Variants in KY observed in about 807,000 individuals in gnomAD.
The protein encoded by KY is kyphoscoliosis peptidase.
A neutral mutation model predicts 76.1 loss-of-function variants in KY; 43 were observed. That is an observed-to-expected ratio of 0.57 (90% CI 0.44 to 0.73). The LOEUF (loss-of-function observed/expected upper bound fraction) is 0.73, where lower values mean the gene tolerates loss of function less well. Among genes scored for constraint, KY ranks in the 30% least tolerant of loss-of-function variants. KY has a pLI of 0.00. For missense variants in KY, 722 were observed against 828.9 expected (o/e 0.87, Z 1.58); for synonymous variants, 277 against 326.2 (o/e 0.85, Z 1.63).
rs1346289837 is a variant in KY, at chr3:134,616,294, C to T, written c.710+2854G>A. On this transcript the variant is annotated intron_variant, in intron 8 of 10. Coordinates refer to ENST00000423778, the MANE Select transcript of KY (RefSeq NM_178554.6). ...TGATGTTGTGAAAATATCTGAATTC[C>T]TCCCCAAATTACTTTATTAAATCAG... Among the ~76,000 whole-genome samples, 4 of 152,166 alleles carry T rather than the reference C, an allele frequency of 2.6e-5. No individual in the cohort carries two copies. The East Asian group carries it at 7.7e-4, about 29-fold the overall frequency.
At chr3:134,605,218 C>T (rs1959170148) in intron 10 of KY, among the ~76,000 whole-genome samples, 1 of 152,152 alleles carries the variant, frequency 6.6e-6, no homozygotes, top group Non-Finnish European at 1.5e-5. Flanking sequence ...CTTTGTAGCC[C>T]ATGAGGACCC....
Position 134,604,302 on chromosome 3 carries a change from G to T in KY, c.1263C>A (p.Asn421Lys). The change falls in exon 11 of 11, where the codon AAC (asparagine) becomes AAA (lysine). Residue 421 changes from asparagine (N) to lysine (K), a missense_variant. Coordinates refer to ENST00000423778, the MANE Select transcript of KY (RefSeq NM_178554.6). ...CCAGCACTGAGCTGTAGATGTCGGAGTTGCCCTTGGCAAAGATCTGCAGCT... is the reference window on the plus strand; with the variant it reads ...CCAGCACTGAGCTGTAGATGTCGGATTTGCCCTTGGCAAAGATCTGCAGCT... ...THKLQIFAKG[N>K]SDIYSSVLEY... The T allele has an allele frequency of 6.2e-7, 1 of 1,614,014 alleles. No individual in the cohort carries two copies. Among genetic ancestry groups the T allele is most frequent in the Non-Finnish European group, 8.5e-7 (1 of 1,179,894 alleles).
intron 3 of KY, among the ~76,000 whole-genome samples, chr3:134,642,404 C>CA (rs1267999704): frequency 1.3e-5 from 2 of 152,236 alleles, no homozygotes; most frequent in Admixed American, 1.3e-4. Flanking sequence ...AATACTCAGA[C>CA]ACCAGGGCCC....
At chr3:134,634,764 C>A (rs1374885431) in intron 3 of KY, among the ~76,000 whole-genome samples, 3 of 152,178 alleles carry the variant, frequency 2.0e-5, no homozygotes, top group Non-Finnish European at 1.5e-5. Context: ...AGAGGGCCAA[C>A]TTTTCCTACA....
chr3:134,640,421 C>G (rs1965603393), intron 3 of KY, among the ~76,000 whole-genome samples: 1 of 152,122 alleles, frequency 6.6e-6, no homozygotes, highest in African/African-American at 2.4e-5. Context: ...AGGATGATAA[C>G]CTTCCACAAA....
intron 3 of KY, among the ~76,000 whole-genome samples, chr3:134,636,558 C>A (rs1204900056): frequency 2.0e-5 from 3 of 152,326 alleles, no homozygotes; most frequent in African/African-American, 4.8e-5. Context: ...TCAGGTGAGG[C>A]TATCCCAGAC....
At chr3:134,604,501 G>A in intron 10 of KY, 27 bp from the exon 11 acceptor site, 2 of 1,581,940 alleles carry the variant, frequency 1.3e-6, no homozygotes, top group Middle Eastern at 2.2e-4. Context: ...AGGGTCAGCA[G>A]AGATGGGTCC....
chr3:134,619,309 G>T, intron 7 of KY, 44 bp from the exon 8 acceptor site: 1 of 1,480,958 alleles, frequency 6.8e-7, no homozygotes, highest in South Asian at 1.1e-5. Flanking sequence ...GAGCCTGGGA[G>T]GCGAGAAGAC....
chr3:134,623,798 C>T (rs767042654), intron 6 of KY, among the ~76,000 whole-genome samples: 4 of 152,156 alleles, frequency 2.6e-5, no homozygotes, highest in East Asian at 3.9e-4. Context: ...GCACAGCTCA[C>T]GCTGTTGACC....
chr3:134,649,280 C>T (rs928038182), intron 1 of KY, among the ~76,000 whole-genome samples: 29 of 152,244 alleles, frequency 1.9e-4, no homozygotes, highest in Admixed American at 7.8e-4. Flanking sequence ...GGAGCCATGG[C>T]GAGTTTGTGC....
intron 5 of KY, among the ~76,000 whole-genome samples, chr3:134,626,572 G>A (rs896516733): frequency 2.6e-5 from 4 of 152,184 alleles, no homozygotes; most frequent in Non-Finnish European, 5.9e-5. Context: ...TTGCCCACAC[G>A]TCGTCAGGGC....
intron 10 of KY, chr3:134,608,249 C>T: frequency 8.4e-7 from 1 of 1,193,800 alleles, no homozygotes. Context: ...CTATGTGTAG[C>T]CAGGGTGACG....
Position 134,601,333 on chromosome 3 carries a change from A to G in KY, c.*2246T>C, listed in dbSNP as rs954654120. On this transcript the variant is annotated 3_prime_UTR_variant, in exon 11 of 11. Transcript: ENST00000423778. Reference sequence around the variant, plus strand: ...CTCTCTGGTGCTGGGGACAGCTCCTATTTTGCTGGGTGGCATTCTCTGCAA... The same window carrying G: ...CTCTCTGGTGCTGGGGACAGCTCCTGTTTTGCTGGGTGGCATTCTCTGCAA... 4.6e-5 allele frequency among the ~76,000 whole-genome samples: 7 copies of G among 152,132 alleles called. No individual in the cohort carries two copies. The highest frequency in any genetic ancestry group is 4.2e-4 in the South Asian group (2 of 4,818).
At chr3:134,641,389 A>G (rs979132873) in intron 3 of KY, 4 of 152,186 alleles carry the variant, frequency 2.6e-5, no homozygotes, top group African/African-American at 9.7e-5. Flanking sequence ...ATGCGACCAC[A>G]CATATCCTTA....
intron 1 of KY, among the ~76,000 whole-genome samples, chr3:134,650,389 TA>T (rs1452937707): frequency 6.6e-6 from 1 of 152,142 alleles, no homozygotes; most frequent in Middle Eastern, 3.2e-3. Flanking sequence ...GCTCCCCATC[TA>T]AAAGTCTGAC....
Position 134,603,428 on chromosome 3 carries a change from C to G in KY, c.*151G>C, listed in dbSNP as rs1959055580. On this transcript the variant is annotated 3_prime_UTR_variant, in exon 11 of 11. Coordinates refer to ENST00000423778, the MANE Select transcript of KY (RefSeq NM_178554.6). ...AGCCTTCAGAACACAAAGATCACAG[C>G]TCCTGTGGCAGAGGTGGGACACTGA... 1.5e-6 allele frequency: 1 copy of G among 681,342 alleles called. No individual in the cohort carries two copies. Among genetic ancestry groups the G allele is most frequent in the Non-Finnish European group, 2.4e-6 (1 of 410,250 alleles). The allele number at this position is 681,342 out of a possible 1,614,324, so 42.2% of individuals were successfully genotyped here. A position where few individuals can be genotyped will look rare whatever the true frequency, so the allele number is the denominator to read the frequency against.
At position 134,629,624 on chromosome 3, in the gene KY, T is replaced by C; in HGVS notation, c.334A>G (p.Lys112Glu). ...PQLLKKFSLA[K>E]RLQGDKNGNT... ...TGAGTACCTGTGTCATACATACGTT[T>C]AGCCAAGGAGAACTTCTTGAGCAGC... Residue 112 changes from lysine (K) to glutamate (E), a missense_variant, in exon 4 of 11, where the codon AAA becomes GAA. Lys to Glu is a moderately conservative substitution (Grantham distance 56). This residue lies in a region of KY where 170 missense variants were observed against 148.1 expected (regional missense o/e 1.15). Transcript: ENST00000423778. The C allele has an allele frequency of 6.3e-7, 1 of 1,598,022 alleles. No homozygotes were observed. The highest frequency in any genetic ancestry group is 8.5e-7 in the Non-Finnish European group (1 of 1,171,900).
At chr3:134,616,100 G>T (rs565220694) in intron 8 of KY, among the ~76,000 whole-genome samples, 2 of 152,340 alleles carry the variant, frequency 1.3e-5, no homozygotes, top group African/African-American at 4.8e-5. Context: ...CTTGGCTCCT[G>T]CGAGGAAATT....
intron 8 of KY, 54 bp from the exon 9 acceptor site, chr3:134,610,437 A>G: frequency 6.6e-7 from 1 of 1,505,546 alleles, no homozygotes; most frequent in Non-Finnish European, 9.1e-7. Context: ...CTTGCCTCCA[A>G]GTCTGTCCAT....
Sources: allele counts gnomAD v4.1 joint callset (sites outside exome capture counted in the v4.1 genomes callset), GRCh38; gene constraint gnomAD v4.1.1; regional missense constraint gnomAD v4.1.1; transcripts MANE v1.5; gene names NCBI Gene and HGNC (gene_info 2026-07-23, HGNC 2026-07-21).